The following ZNF644 variants were observed in gnomAD, a reference collection of about 807,000 sequenced individuals.
The protein encoded by ZNF644 is zinc finger motif enhancer binding protein 2.
A neutral mutation model predicts 108.0 loss-of-function variants in ZNF644; 20 were observed. The observed-to-expected ratio is 0.19, with a 90% CI of 0.13 to 0.27. The LOEUF (loss-of-function observed/expected upper bound fraction) is 0.27, where lower values mean the gene tolerates loss of function less well. Among genes scored for constraint, ZNF644 ranks in the 10% least tolerant of loss-of-function variants. ZNF644 has a pLI of 1.00. For missense variants in ZNF644, 1,338 were observed against 1,548.9 expected, an observed-to-expected ratio of 0.86 and a Z score of 2.29; for synonymous variants, 542 against 539.1, an observed-to-expected ratio of 1.01 and a Z score of -0.08.
rs143441067 is a variant in ZNF644, at chr1:91,015,887, CTTACT to C, written c.-18+6098_-18+6102del. Among the ~76,000 whole-genome samples, 253 of 152,262 alleles carry C rather than the reference CTTACT, an allele frequency of 1.7e-3. 2 individuals are homozygous for C. Among genetic ancestry groups the C allele is most frequent in the African/African-American group, 6.0e-3 (249 of 41,566 alleles). Reference sequence around the variant, plus strand: ...ACTATTATTACTCTAACAGGTAACACTTACTTTACTCAGCATTGTATGCCAGAAAG... The same window carrying C: ...ACTATTATTACTCTAACAGGTAACACTTACTCAGCATTGTATGCCAGAAAG... On this transcript the variant is annotated intron_variant, in intron 1 of 5. Coordinates refer to ENST00000337393, the MANE Select transcript of ZNF644 (RefSeq NM_201269.3).
At chr1:90,936,417 A>T (rs2100917456) in intron 4 of ZNF644, among the ~76,000 whole-genome samples, 1 of 152,304 alleles carries the variant, frequency 6.6e-6, no homozygotes, top group Non-Finnish European at 1.5e-5. Flanking sequence ...TTCGAAAGAA[A>T]AAGCCGGATT....
intron 4 of ZNF644, among the ~76,000 whole-genome samples, chr1:90,924,010 G>A (rs1017725598): frequency 1.3e-5 from 2 of 152,130 alleles, no homozygotes; most frequent in African/African-American, 4.8e-5. Flanking sequence ...CTATTTCAAA[G>A]TAGAGGGGAT....
intron 1 of ZNF644, among the ~76,000 whole-genome samples, chr1:90,989,104 A>G (rs1259904233): frequency 6.6e-6 from 1 of 152,184 alleles, no homozygotes; most frequent in Non-Finnish European, 1.5e-5. Flanking sequence ...CTGGGAGAAA[A>G]TATTTGCAAA....
intron 2 of ZNF644, among the ~76,000 whole-genome samples, chr1:90,963,175 G>C (rs1034556070): frequency 6.6e-6 from 1 of 152,084 alleles, no homozygotes; most frequent in African/African-American, 2.4e-5. Flanking sequence ...CAGTAAGTTA[G>C]AAAGCTCAAT....
At chr1:90,922,336 C>T (rs1649538832) in intron 4 of ZNF644, among the ~76,000 whole-genome samples, 1 of 152,092 alleles carries the variant, frequency 6.6e-6, no homozygotes, top group African/African-American at 2.4e-5. Context: ...AAGTAAGAGG[C>T]ACAGTATACC....
At chr1:90,922,756 T>A (rs1649603540) in intron 4 of ZNF644, among the ~76,000 whole-genome samples, 1 of 151,972 alleles carries the variant, frequency 6.6e-6, no homozygotes, top group Admixed American at 6.6e-5. Context: ...ACCCTTAAGG[T>A]AGGCCCCAGT....
chr1:90,940,456 T>A lies in ZNF644; in HGVS notation c.898A>T (p.Ile300Leu). 1.2e-6 allele frequency: 2 copies of A among 1,613,674 alleles called. No homozygotes were observed. Among genetic ancestry groups the A allele is most frequent in the South Asian group, 1.1e-5 (1 of 91,062 alleles). The change falls in exon 3 of 6, where the codon ATA becomes TTA. Residue 300 changes from isoleucine (I) to leucine (L), a missense_variant. Around this residue, in one of 6 missense-constraint regions of ZNF644, gnomAD observed 464 missense variants for 457.9 expected, o/e 1.01. Coordinates refer to ENST00000337393, the MANE Select transcript of ZNF644 (RefSeq NM_201269.3). ...AAGCAATCCTCGGTATAACGAGTTA[T>A]CTTGCTTACATCCATTTTTCGCTTT... ...KRKRKMDVSK[I>L]TRYTEDCFSD...
chr1:90,981,778 C>T (rs1656576802), intron 2 of ZNF644, among the ~76,000 whole-genome samples: 1 of 152,024 alleles, frequency 6.6e-6, no homozygotes, highest in Non-Finnish European at 1.5e-5. Context: ...TCAGTAGAGA[C>T]ACCCACTAGG....
chr1:90,975,969 T>C (rs1655969314), intron 2 of ZNF644, among the ~76,000 whole-genome samples: 1 of 152,202 alleles, frequency 6.6e-6, no homozygotes, highest in Non-Finnish European at 1.5e-5. Flanking sequence ...AAATTAAACT[T>C]GTTTAAACAG....
At chr1:90,930,149 G>A (rs1650566110) in intron 4 of ZNF644, among the ~76,000 whole-genome samples, 1 of 152,160 alleles carries the variant, frequency 6.6e-6, no homozygotes, top group South Asian at 2.1e-4. Context: ...AGCCGGGCGT[G>A]ATGGCGTGTG....
chr1:90,919,768 C>T (rs1201331431), intron 4 of ZNF644, among the ~76,000 whole-genome samples: 1 of 152,018 alleles, frequency 6.6e-6, no homozygotes, highest in Non-Finnish European at 1.5e-5. Flanking sequence ...ACAAATACTT[C>T]TGGAGTAAAA....
chr1:90,952,609 T>C (rs1033902678), intron 2 of ZNF644, among the ~76,000 whole-genome samples: 3 of 151,512 alleles, frequency 2.0e-5, no homozygotes, highest in Non-Finnish European at 2.9e-5. Flanking sequence ...TTGATACAAT[T>C]AAAGAGATAA....
chr1:90,956,273 G>C (rs1434350523), intron 2 of ZNF644, among the ~76,000 whole-genome samples: 1 of 152,186 alleles, frequency 6.6e-6, no homozygotes, highest in Non-Finnish European at 1.5e-5. Flanking sequence ...ACCTAAATGT[G>C]ATACGGAGAT....
chr1:90,967,894 C>CAA lies in ZNF644; in HGVS notation c.44+14414_44+14415dup, dbSNP rs147387016. ...AACCCCGTCTCTACTAAAAAAAATA[C>CAA]AAAAAAAAAAAAAAAAATTAGCCAG... On this transcript the variant is annotated intron_variant, in intron 2 of 5. Coordinates refer to ENST00000337393, the MANE Select transcript of ZNF644 (RefSeq NM_201269.3). Among the ~76,000 whole-genome samples, 338 of 123,414 alleles carry CAA rather than the reference C, an allele frequency of 2.7e-3. 1 individual carries two copies. The highest frequency in any genetic ancestry group is 0.016 in the Middle Eastern group (4 of 250). 81.0% of individuals were successfully genotyped at this position (123,414 alleles called of 152,430 possible). A position where few individuals can be genotyped will look rare whatever the true frequency, so the allele number is the denominator to read the frequency against.
intron 4 of ZNF644, among the ~76,000 whole-genome samples, chr1:90,933,701 A>G (rs1353489172): frequency 1.3e-5 from 2 of 152,082 alleles, no homozygotes; most frequent in African/African-American, 2.4e-5. Flanking sequence ...ACCCACCTTC[A>G]TTTTAGAATT....
rs767765799 is a variant in ZNF644, at chr1:90,939,670, C to T, written c.1684G>A (p.Ala562Thr). 2 of 1,613,938 alleles carry T rather than the reference C, an allele frequency of 1.2e-6. No individual in the cohort carries two copies. Among genetic ancestry groups the T allele is most frequent in the Non-Finnish European group, 1.7e-6 (2 of 1,179,908 alleles). The part of the protein sequence containing the change: ...VKCPMVTSDI[A>T]QRKTQKKTFM... The stretch of plus-strand genomic sequence containing the variant: ...GTCTTTTTTTGTGTTTTTCTCTGGG[C>T]AATATCAGAAGTGACCATAGGGCAT... Residue 562 changes from alanine (A) to threonine (T), a missense_variant, in exon 3 of 6, where the codon GCC becomes ACC. This residue lies in a region of ZNF644 where 462 missense variants were observed against 472.6 expected (regional missense o/e 0.98). Transcript: ENST00000337393.
intron 2 of ZNF644, among the ~76,000 whole-genome samples, chr1:90,956,520 T>C (rs1164103274): frequency 1.3e-5 from 2 of 152,078 alleles, no homozygotes; most frequent in Non-Finnish European, 2.9e-5. Context: ...AACATACTAA[T>C]ACTTATAGGA....
chr1:90,936,844 C>T (rs190843479), intron 4 of ZNF644, among the ~76,000 whole-genome samples: 4 of 152,320 alleles, frequency 2.6e-5, no homozygotes, highest in African/African-American at 9.6e-5. Flanking sequence ...GCTAAATCAT[C>T]TGTCCTGTTC....
At chr1:90,995,130 T>A (rs758549093) in intron 1 of ZNF644, among the ~76,000 whole-genome samples, 1 of 152,152 alleles carries the variant, frequency 6.6e-6, no homozygotes. Flanking sequence ...ATTCTGAGTC[T>A]ACCTGAATTA....
Sources: allele counts gnomAD v4.1 joint callset (sites outside exome capture counted in the v4.1 genomes callset), GRCh38; gene constraint gnomAD v4.1.1; regional missense constraint gnomAD v4.1.1; transcripts MANE v1.5; gene names NCBI Gene and HGNC (gene_info 2026-07-23, HGNC 2026-07-21).